Variants in MAP2 observed in about 807,000 individuals in gnomAD.
The protein encoded by MAP2 is microtubule-associated protein 2.
Under a neutral mutation model 137.6 loss-of-function variants are expected in MAP2, and 14 were observed. The ratio of observed to expected loss-of-function variants is 0.10; its 90% CI spans 0.07 to 0.16. The LOEUF (loss-of-function observed/expected upper bound fraction) is 0.16, where lower values mean the gene tolerates loss of function less well. Ranked by LOEUF, MAP2 falls within the 10% of genes least tolerant of loss-of-function variation. The pLI is 1.00. For synonymous variants in MAP2, 786 were observed against 782.3 expected, an observed-to-expected ratio of 1.00 and a Z score of -0.08; for missense variants, 2,088 against 2,191.5, an observed-to-expected ratio of 0.95 and a Z score of 0.94.
intron 5 of MAP2, among the ~76,000 whole-genome samples, chr2:209,674,971 C>CTTA (rs2050649043): frequency 6.6e-6 from 1 of 151,766 alleles, no homozygotes; most frequent in Non-Finnish European, 1.5e-5. Context: ...GATGACAGCC[C>CTTA]TTACTTAGAG....
chr2:209,579,197 T>C (rs1051601446), intron 2 of MAP2: 2 of 152,126 alleles, frequency 1.3e-5, no homozygotes, highest in African/African-American at 4.8e-5. Flanking sequence ...CATGTCCAGT[T>C]TGTGTAGCTT....
At chr2:209,431,844 G>A (rs1190043148) in intron 1 of MAP2, among the ~76,000 whole-genome samples, 8 of 152,224 alleles carry the variant, frequency 5.3e-5, no homozygotes, top group East Asian at 1.9e-4. Context: ...GGAGGGGCTC[G>A]GAATTCTAGG....
intron 2 of MAP2, among the ~76,000 whole-genome samples, chr2:209,556,360 T>C (rs1181616037): frequency 1.3e-5 from 2 of 152,148 alleles, no homozygotes; most frequent in African/African-American, 4.8e-5. Flanking sequence ...CTTCTTTCTT[T>C]TGAAGATTTG....
At chr2:209,546,101 C>A (rs534353713) in intron 2 of MAP2, among the ~76,000 whole-genome samples, 3 of 152,268 alleles carry the variant, frequency 2.0e-5, no homozygotes, top group South Asian at 2.1e-4. Context: ...CGAGATCGCG[C>A]CACTGCACTC....
intron 3 of MAP2, among the ~76,000 whole-genome samples, chr2:209,585,046 A>G (rs1381717946): frequency 6.6e-6 from 1 of 152,128 alleles, no homozygotes; most frequent in African/African-American, 2.4e-5. Flanking sequence ...ATGAAGAGGT[A>G]TGTTTAGGAC....
chr2:209,522,265 C>A (rs552392284), intron 2 of MAP2, among the ~76,000 whole-genome samples: 2 of 152,186 alleles, frequency 1.3e-5, no homozygotes, highest in South Asian at 4.1e-4. Flanking sequence ...ACTTCTGAAT[C>A]AAGGCAGAGC....
chr2:209,643,812 T>A (rs553426018), intron 4 of MAP2, among the ~76,000 whole-genome samples: 3 of 152,326 alleles, frequency 2.0e-5, no homozygotes, highest in African/African-American at 7.2e-5. Flanking sequence ...GCAGTCTATC[T>A]TGTGATTTAA....
intron 3 of MAP2, among the ~76,000 whole-genome samples, chr2:209,621,630 C>T (rs955824132): frequency 3.9e-5 from 6 of 152,146 alleles, no homozygotes; most frequent in South Asian, 4.1e-4. Context: ...CAATGTGTTT[C>T]GAAGGAAACT....
chr2:209,590,027 G>A (rs17733579), intron 3 of MAP2, among the ~76,000 whole-genome samples: 35,886 of 151,906 alleles, frequency 0.24, 5,218 homozygotes, highest in East Asian at 0.42. Context: ...CAAGGTGGAG[G>A]TTAGGTGTCC....
At chr2:209,591,489 C>T (rs2079230285) in intron 3 of MAP2, among the ~76,000 whole-genome samples, 1 of 151,428 alleles carries the variant, frequency 6.6e-6, no homozygotes, top group African/African-American at 2.4e-5. Flanking sequence ...ACAATTTTCC[C>T]ACTGCCTTAA....
chr2:209,719,844 C>T (rs947427410), intron 13 of MAP2, among the ~76,000 whole-genome samples: 3 of 152,098 alleles, frequency 2.0e-5, no homozygotes, highest in African/African-American at 7.2e-5. Context: ...TGCTATATGA[C>T]CCTTATGTGA....
intron 12 of MAP2, among the ~76,000 whole-genome samples, chr2:209,706,837 C>A (rs781234591): frequency 1.2e-4 from 18 of 152,032 alleles, no homozygotes; most frequent in Non-Finnish European, 2.5e-4. Flanking sequence ...TTTTTGCCTA[C>A]AAGAAAAGTG....
intron 1 of MAP2, among the ~76,000 whole-genome samples, chr2:209,429,043 C>T (rs1370554839): frequency 2.6e-5 from 4 of 152,036 alleles, no homozygotes; most frequent in East Asian, 3.9e-4. Flanking sequence ...AAGCTCCGCC[C>T]CCCGGGTTCA....
At chr2:209,449,051 G>A (rs147029637) in intron 1 of MAP2, among the ~76,000 whole-genome samples, 1 of 152,216 alleles carries the variant, frequency 6.6e-6, no homozygotes, top group East Asian at 1.9e-4. Flanking sequence ...GGTAAGTCTT[G>A]TACGTGCTTC....
intron 11 of MAP2, chr2:209,704,424 TTTTG>T (rs775668822): frequency 1.3e-6 from 2 of 1,587,158 alleles, no homozygotes; most frequent in East Asian, 4.5e-5. Flanking sequence ...TATTTTGTGC[TTTTG>T]TTTGTTTTCT....
At chr2:209,585,543 TA>T (rs1271169678) in intron 3 of MAP2, among the ~76,000 whole-genome samples, 1 of 152,144 alleles carries the variant, frequency 6.6e-6, no homozygotes, top group East Asian at 1.9e-4. Flanking sequence ...CTATTGCTTT[TA>T]AAATTTCATA....
intron 3 of MAP2, among the ~76,000 whole-genome samples, chr2:209,586,425 G>A (rs761686322): frequency 6.6e-6 from 1 of 152,134 alleles, no homozygotes; most frequent in African/African-American, 2.4e-5. Flanking sequence ...GAAAAAATAT[G>A]AGAAACCTTG....
At chr2:209,685,773 A>C (rs2056791836) in intron 7 of MAP2, among the ~76,000 whole-genome samples, 1 of 152,200 alleles carries the variant, frequency 6.6e-6, no homozygotes, top group African/African-American at 2.4e-5. Flanking sequence ...ATCTGAAGCA[A>C]GGCTCTGGAC....
chr2:209,664,654 A>C (rs2045397980), intron 5 of MAP2, among the ~76,000 whole-genome samples: 1 of 152,022 alleles, frequency 6.6e-6, no homozygotes, highest in Non-Finnish European at 1.5e-5. Flanking sequence ...TGAACAATAA[A>C]TTTGCAGGAA....
Sources: allele counts gnomAD v4.1 joint callset (sites outside exome capture counted in the v4.1 genomes callset), GRCh38; gene constraint gnomAD v4.1.1; transcripts MANE v1.5; gene names NCBI Gene and HGNC (gene_info 2026-07-23, HGNC 2026-07-21).